The following SCN8A variants were observed in gnomAD, a reference collection of about 807,000 sequenced individuals.
SCN8A encodes sodium voltage-gated channel alpha subunit 8.
In SCN8A, 30 loss-of-function variants were observed where a neutral mutation model predicts 184.1. The ratio of observed to expected loss-of-function variants is 0.16; its 90% CI spans 0.12 to 0.22. The LOEUF (loss-of-function observed/expected upper bound fraction) is 0.22. SCN8A is among the 10% of genes least tolerant of loss of function. The probability of loss-of-function intolerance (pLI) is 1.00; values close to 1 mark genes in which losing one functional copy is unlikely to be tolerated. For missense variants in SCN8A, 1,057 were observed against 2,498.9 expected (o/e 0.42, Z 12.30); for synonymous variants, 852 against 907.0 (o/e 0.94, Z 1.09).
intron 2 of SCN8A, 46 bp from the exon 3 acceptor site, chr12:51,684,128 C>T (rs1941380181): frequency 5.5e-6 from 5 of 916,876 alleles, no homozygotes; most frequent in Non-Finnish European, 3.7e-6. Context: ...CATGTGGTGA[C>T]TCATACCCAT....
chr12:51,729,426 T>C (rs984116971), intron 12 of SCN8A, among the ~76,000 whole-genome samples: 11 of 152,182 alleles, frequency 7.2e-5, no homozygotes, highest in African/African-American at 2.7e-4. Flanking sequence ...TCATACAATA[T>C]GTATTTGTAT....
chr12:51,812,185 G>C lies in SCN8A; in HGVS notation c.*4756G>C, dbSNP rs1336334489. The C allele has an allele frequency of 6.6e-6, 1 of 152,152 alleles. No individual in the cohort carries two copies. The highest frequency in any genetic ancestry group is 1.5e-5 in the Non-Finnish European group (1 of 68,192). 9.4% of individuals were successfully genotyped at this position (152,152 alleles called of 1,614,324 possible). A position where few individuals can be genotyped will look rare whatever the true frequency, so the allele number is the denominator to read the frequency against. ...GTTTGCTGTACATAGAGGCTAAGTG[G>C]GGTGGGGTGGGTGGGTGTGCACATG... On this transcript the variant is annotated 3_prime_UTR_variant, in exon 27 of 27. Coordinates refer to ENST00000627620, the MANE Select transcript of SCN8A (RefSeq NM_001330260.2).
At chr12:51,615,453 C>T (rs1224950203) in intron 1 of SCN8A, among the ~76,000 whole-genome samples, 1 of 152,098 alleles carries the variant, frequency 6.6e-6, no homozygotes, top group Non-Finnish European at 1.5e-5. Context: ...TCTCTGGAGG[C>T]TGGGGTGAAG....
intron 1 of SCN8A, among the ~76,000 whole-genome samples, chr12:51,621,157 A>G (rs1008496532): frequency 6.6e-6 from 1 of 152,194 alleles, no homozygotes; most frequent in Non-Finnish European, 1.5e-5. Flanking sequence ...TAGAGGAAAG[A>G]CTGTCAAGAA....
intron 2 of SCN8A, among the ~76,000 whole-genome samples, chr12:51,663,562 C>CT (rs1555214379): frequency 1.3e-5 from 2 of 152,178 alleles, no homozygotes; most frequent in East Asian, 3.8e-4. Context: ...AGGAATAAAA[C>CT]TGAGTAAAGC....
intron 12 of SCN8A, among the ~76,000 whole-genome samples, chr12:51,735,359 C>T (rs1942307306): frequency 6.6e-6 from 1 of 152,150 alleles, no homozygotes; most frequent in Admixed American, 6.5e-5. Context: ...AAGCAATCTT[C>T]CTAAACAAGT....
chr12:51,674,418 C>G (rs966888148), intron 2 of SCN8A, among the ~76,000 whole-genome samples: 3 of 152,064 alleles, frequency 2.0e-5, no homozygotes, highest in African/African-American at 4.8e-5. Context: ...CTGCAACCTC[C>G]GCCTCCCGGG....
At chr12:51,716,030 C>T (rs1941958886) in intron 11 of SCN8A, among the ~76,000 whole-genome samples, 1 of 152,098 alleles carries the variant, frequency 6.6e-6, no homozygotes, top group South Asian at 2.1e-4. Context: ...ATATAAAGAA[C>T]TGTTGTAAAA....
chr12:51,610,644 A>G (rs1939702116), intron 1 of SCN8A, among the ~76,000 whole-genome samples: 1 of 152,122 alleles, frequency 6.6e-6, no homozygotes, highest in Non-Finnish European at 1.5e-5. Flanking sequence ...TCTTTCCTTC[A>G]TATATGATGC....
At chr12:51,790,183 G>A (rs1411275608) in intron 24 of SCN8A, among the ~76,000 whole-genome samples, 1 of 152,140 alleles carries the variant, frequency 6.6e-6, no homozygotes, top group East Asian at 1.9e-4. Flanking sequence ...TCTACCTTGG[G>A]ACTGGAAGAT....
In SCN8A at chr12:51,776,642, A is replaced by G. The variant is rs74091664; in HGVS notation, c.3819+2280A>G. Among the ~76,000 whole-genome samples the G allele has an allele frequency of 1.6e-4, 24 of 152,340 alleles. 1 individual carries two copies. In the South Asian group the frequency reaches 2.7e-3, roughly 17 times the overall value. ...TTCCCAGGCCATCACAGTGGCTCCAATCGCTGCCGCTTTTGAATTGTGGAT... is the reference window on the plus strand; with the variant it reads ...TTCCCAGGCCATCACAGTGGCTCCAGTCGCTGCCGCTTTTGAATTGTGGAT... On this transcript the variant is annotated intron_variant, in intron 20 of 26. Coordinates refer to ENST00000627620, the MANE Select transcript of SCN8A (RefSeq NM_001330260.2).
rs551890559 is a variant in SCN8A at position 51,683,459 on chromosome 12, A to T, written c.277-715A>T. Among the ~76,000 whole-genome samples, 102 of 152,336 alleles carry T rather than the reference A, an allele frequency of 6.7e-4. No homozygotes were observed. The South Asian group carries it at 8.9e-3, about 13-fold the overall frequency. On this transcript the variant is annotated intron_variant, in intron 2 of 26. Coordinates refer to ENST00000627620, the MANE Select transcript of SCN8A (RefSeq NM_001330260.2). ...GATATTGGGGGCTCTTGAAAGCCATATAAAGCAGATTGAATATTGGTAAGT... is the reference window on the plus strand; with the variant it reads ...GATATTGGGGGCTCTTGAAAGCCATTTAAAGCAGATTGAATATTGGTAAGT...
chr12:51,769,425 G>C, intron 17 of SCN8A, 90 bp downstream of exon 17: 1 of 873,196 alleles, frequency 1.1e-6, no homozygotes, highest in Non-Finnish European at 1.8e-6. Context: ...TATGGGCTTG[G>C]TAGAGAGATT....
chr12:51,810,898 C>G lies in SCN8A; in HGVS notation c.*3469C>G, dbSNP rs981668662. On this transcript the variant is annotated 3_prime_UTR_variant, in exon 27 of 27. Coordinates refer to ENST00000627620, the MANE Select transcript of SCN8A (RefSeq NM_001330260.2). ...TTGACTGGAGAGAGATAAACAAACT[C>G]CCAGTCAAAGCCCCTAAAGCGACAG... 1 of 152,184 alleles carries G rather than the reference C, an allele frequency of 6.6e-6. No homozygotes were observed. Among genetic ancestry groups the G allele is most frequent in the African/African-American group, 2.4e-5 (1 of 41,426 alleles). 9.4% of individuals were successfully genotyped at this position (152,184 alleles called of 1,614,324 possible). A position where few individuals can be genotyped will look rare whatever the true frequency, so the allele number is the denominator to read the frequency against.
At chr12:51,736,682 G>A (rs912016303) in intron 12 of SCN8A, among the ~76,000 whole-genome samples, 1 of 152,180 alleles carries the variant, frequency 6.6e-6, no homozygotes, top group African/African-American at 2.4e-5. Flanking sequence ...ATGTAAAAAG[G>A]GTGCATTCTA....
chr12:51,777,317 T>C (rs545663180), intron 20 of SCN8A, among the ~76,000 whole-genome samples: 4 of 152,256 alleles, frequency 2.6e-5, no homozygotes, highest in African/African-American at 9.6e-5. Flanking sequence ...TGGAGTGCAG[T>C]GGCACAATCA....
intron 1 of SCN8A, among the ~76,000 whole-genome samples, chr12:51,636,474 A>G (rs1404531035): frequency 2.0e-5 from 3 of 152,074 alleles, no homozygotes; most frequent in East Asian, 3.9e-4. Flanking sequence ...CAAATGTCAT[A>G]CTCCCAAATC....
chr12:51,623,189 G>A (rs901121343), intron 1 of SCN8A, among the ~76,000 whole-genome samples: 2 of 152,178 alleles, frequency 1.3e-5, no homozygotes, highest in Admixed American at 1.3e-4. Context: ...CAAGTTCTGA[G>A]CATTGGGTTG....
chr12:51,725,418 A>G (rs1335625365), intron 12 of SCN8A, among the ~76,000 whole-genome samples: 1 of 152,170 alleles, frequency 6.6e-6, no homozygotes, highest in African/African-American at 2.4e-5. Context: ...TCTTCCTTAT[A>G]CTTTTCTGTT....
Sources: allele counts gnomAD v4.1 joint callset (sites outside exome capture counted in the v4.1 genomes callset), GRCh38; gene constraint gnomAD v4.1.1; transcripts MANE v1.5; gene names NCBI Gene and HGNC (gene_info 2026-07-23, HGNC 2026-07-21).